EYS: variants seen among roughly 807,000 people sequenced by gnomAD.
EYS encodes protein eyes shut homolog.
Under a neutral mutation model 282.1 loss-of-function variants are expected in EYS, and 250 were observed. The observed-to-expected ratio is 0.89, with a 90% confidence interval of 0.80 to 0.98. The LOEUF is 0.98. Among genes scored for constraint, EYS ranks in the 50% least tolerant of loss-of-function variants. EYS has a pLI of 0.00. For missense variants in EYS, 4,016 were observed against 3,709.0 expected (o/e 1.08, Z -2.15); for synonymous variants, 1,355 against 1,282.9 (o/e 1.06, Z -1.20).
intron 26 of EYS, among the ~76,000 whole-genome samples, chr6:64,554,735 T>C (rs12207624): frequency 6.6e-6 from 1 of 151,994 alleles, no homozygotes; most frequent in Non-Finnish European, 1.5e-5. Flanking sequence ...AATAGACATT[T>C]CTCAAAAGAA....
chr6:65,626,611 C>T (rs1026211486), intron 2 of EYS, among the ~76,000 whole-genome samples: 2 of 152,056 alleles, frequency 1.3e-5, no homozygotes, highest in African/African-American at 4.8e-5. Context: ...TCATTGAAAT[C>T]AATTGTATTT....
At chr6:63,810,526 A>G (rs958438971) in intron 36 of EYS, among the ~76,000 whole-genome samples, 1 of 152,176 alleles carries the variant, frequency 6.6e-6, no homozygotes, top group Non-Finnish European at 1.5e-5. Flanking sequence ...TGATGGAGGG[A>G]GGCAGCTGGG....
chr6:65,231,446 A>G (rs911611432), intron 12 of EYS, among the ~76,000 whole-genome samples: 4 of 151,676 alleles, frequency 2.6e-5, no homozygotes, highest in African/African-American at 9.7e-5. Context: ...TTATTAAAAG[A>G]GAGGATTGGG....
At chr6:64,006,606 A>G (rs1474790139) in intron 33 of EYS, among the ~76,000 whole-genome samples, 1 of 152,116 alleles carries the variant, frequency 6.6e-6, no homozygotes, top group Admixed American at 6.5e-5. Context: ...CCTATTCAGT[A>G]TGATGTTGGC....
chr6:64,978,653 T>C (rs998100097), intron 14 of EYS, among the ~76,000 whole-genome samples: 13 of 152,068 alleles, frequency 8.5e-5, no homozygotes, highest in Admixed American at 2.6e-4. Flanking sequence ...ATAAAAATCC[T>C]TCTGGAAAAG....
intron 23 of EYS, among the ~76,000 whole-genome samples, chr6:64,622,685 A>G (rs1307748351): frequency 6.6e-6 from 1 of 152,178 alleles, no homozygotes; most frequent in Admixed American, 6.5e-5. Flanking sequence ...CATAATATGA[A>G]TGTAAGAAAG....
At chr6:65,008,871 G>A (rs926368999) in intron 13 of EYS, among the ~76,000 whole-genome samples, 4 of 152,136 alleles carry the variant, frequency 2.6e-5, no homozygotes, top group South Asian at 4.1e-4. Context: ...TCCTGTCTTG[G>A]ACAACTGTCC....
intron 35 of EYS, among the ~76,000 whole-genome samples, chr6:63,898,352 G>A (rs776365851): frequency 1.2e-4 from 19 of 152,016 alleles, no homozygotes; most frequent in Non-Finnish European, 1.9e-4. Context: ...TTAGCTGGGC[G>A]TGGTGGCGCA....
intron 31 of EYS, among the ~76,000 whole-genome samples, chr6:64,133,357 A>G (rs1254557300): frequency 6.6e-6 from 1 of 152,030 alleles, no homozygotes; most frequent in Non-Finnish European, 1.5e-5. Flanking sequence ...CAGCTTTTTC[A>G]TCTGATATCT....
chr6:63,977,110 C>A (rs1320985722), intron 35 of EYS, among the ~76,000 whole-genome samples: 2 of 150,726 alleles, frequency 1.3e-5, no homozygotes, highest in Non-Finnish European at 3.0e-5. Flanking sequence ...GTGTAAAGGG[C>A]TAAATATTAT....
At chr6:63,756,999 A>C (rs1237847827) in intron 41 of EYS, among the ~76,000 whole-genome samples, 1 of 152,154 alleles carries the variant, frequency 6.6e-6, no homozygotes, top group Non-Finnish European at 1.5e-5. Flanking sequence ...AACAATATGA[A>C]ATCAGTGCAC....
chr6:65,338,852 A>C (rs553132098), intron 10 of EYS, among the ~76,000 whole-genome samples: 41 of 151,312 alleles, frequency 2.7e-4, no homozygotes, highest in African/African-American at 8.9e-4. Context: ...ATCTGTAGAG[A>C]AATTAACCTT....
chr6:63,788,501 T>A (rs1770425331), intron 38 of EYS, among the ~76,000 whole-genome samples: 1 of 152,216 alleles, frequency 6.6e-6, no homozygotes. Flanking sequence ...GGTGCTGGCA[T>A]CCTGCTGATT....
chr6:65,599,871 G>T (rs1240405756), intron 2 of EYS, among the ~76,000 whole-genome samples: 2 of 151,980 alleles, frequency 1.3e-5, no homozygotes, highest in Non-Finnish European at 2.9e-5. Flanking sequence ...CAAATACCTT[G>T]AGTGCTATGT....
In EYS at chr6:64,848,596, A is replaced by G. The variant is rs370017286; in HGVS notation, c.2993-25774T>C. 9.9e-5 allele frequency among the ~76,000 whole-genome samples: 15 copies of G among 152,204 alleles called. No homozygotes were observed. In the East Asian group the frequency reaches 2.5e-3, roughly 26 times the overall value. On this transcript the variant is annotated intron_variant, in intron 19 of 42. Transcript: ENST00000503581. Reference sequence around the variant, plus strand: ...AATTATGACATATAGTTTGTTTCCAATGAGAATGGGAGGGGCAGTATAGCA... The same window carrying G: ...AATTATGACATATAGTTTGTTTCCAGTGAGAATGGGAGGGGCAGTATAGCA...
At chr6:65,049,186 T>A (rs1251492370) in intron 13 of EYS, among the ~76,000 whole-genome samples, 1 of 151,848 alleles carries the variant, frequency 6.6e-6, no homozygotes, top group African/African-American at 2.4e-5. Context: ...TATGTTTAAT[T>A]TTCCCCAGAT....
chr6:65,288,833 C>T (rs1217453341), intron 12 of EYS, among the ~76,000 whole-genome samples: 3 of 150,946 alleles, frequency 2.0e-5, no homozygotes, highest in Admixed American at 2.0e-4. Context: ...TGACTTTTAC[C>T]TTGTCTGGAA....
chr6:64,798,363 A>T (rs2150005805), intron 22 of EYS, among the ~76,000 whole-genome samples: 1 of 152,036 alleles, frequency 6.6e-6, no homozygotes, highest in East Asian at 1.9e-4. Context: ...ATATCAAAAA[A>T]TATGTTTAAA....
In EYS at chr6:65,216,780, TTATAA is replaced by T. The variant is rs1362569671; in HGVS notation, c.2023+79078_2023+79082del. Reference sequence around the variant, plus strand: ...ATAATTTACTTGGCTTGCAAATATTTTATAATATAATATGTATACATATATTATAC... The same window carrying T: ...ATAATTTACTTGGCTTGCAAATATTTTATAATATGTATACATATATTATAC... On this transcript the variant is annotated intron_variant, in intron 12 of 42. Coordinates refer to ENST00000503581, the MANE Select transcript of EYS (RefSeq NM_001142800.2). Among the ~76,000 whole-genome samples, 6 of 151,850 alleles carry T rather than the reference TTATAA, an allele frequency of 4.0e-5. No homozygotes were observed. In the East Asian group the frequency reaches 7.7e-4, roughly 19 times the overall value.
Sources: allele counts gnomAD v4.1 joint callset (sites outside exome capture counted in the v4.1 genomes callset), GRCh38; gene constraint gnomAD v4.1.1; transcripts MANE v1.5; gene names NCBI Gene and HGNC (gene_info 2026-07-23, HGNC 2026-07-21).